RTN4: variants seen among roughly 807,000 people sequenced by gnomAD.
The protein encoded by RTN4 is reticulon-4.
RTN4 carries 32 observed loss-of-function variants against 90.4 expected under a neutral mutation model. The ratio of observed to expected loss-of-function variants is 0.35; its 90% CI spans 0.27 to 0.48. RTN4 has a LOEUF of 0.48. Among genes scored for constraint, RTN4 ranks in the 20% least tolerant of loss-of-function variants. The pLI, the probability that RTN4 is intolerant of heterozygous loss-of-function variation, is 0.99. For synonymous variants in RTN4, 629 were observed against 552.5 expected (o/e 1.14, Z -1.94); for missense variants, 1,706 against 1,430.2 (o/e 1.19, Z -3.11).
chr2:55,049,513 C>G (rs905358131), intron 1 of RTN4: 4 of 624,576 alleles, frequency 6.4e-6, no homozygotes, highest in African/African-American at 3.8e-5. Flanking sequence ...GAGCCGGGAG[C>G]GGTGCACGTG....
chr2:55,113,400 G>A (rs1361929747), upstream of RTN4, among the ~76,000 whole-genome samples: 1 of 152,198 alleles, frequency 6.6e-6, no homozygotes, highest in African/African-American at 2.4e-5. Flanking sequence ...AACAACAGAG[G>A]AGGATCTCAG....
At chr2:55,041,963 T>C (rs1349466448) in intron 1 of RTN4, among the ~76,000 whole-genome samples, 1 of 151,948 alleles carries the variant, frequency 6.6e-6, no homozygotes, top group Non-Finnish European at 1.5e-5. Context: ...TCAAGACATA[T>C]GACAAAAGGC....
chr2:55,025,862 T>A lies in RTN4; in HGVS notation c.2237A>T (p.Asp746Val). 6.2e-7 allele frequency: 1 copy of A among 1,613,766 alleles called. No individual in the cohort carries two copies. The highest frequency in any genetic ancestry group is 8.5e-7 in the Non-Finnish European group (1 of 1,179,834). The change falls in exon 3 of 9, where the codon GAC (aspartate) becomes GTC (valine). Residue 746 changes from aspartate (D) to valine (V), a missense_variant. By Grantham distance (152) the Asp-to-Val change is radical. Coordinates refer to ENST00000337526, the MANE Select transcript of RTN4 (RefSeq NM_020532.5). ...EDSSPDSEPV[D>V]LFSDDSIPDV... Reference sequence around the variant, plus strand: ...AGGTATTGAATCATCACTAAATAAGTCAACTGGTTCAGAATCAGGTGAGGA... The same window carrying A: ...AGGTATTGAATCATCACTAAATAAGACAACTGGTTCAGAATCAGGTGAGGA...
At chr2:55,061,948 C>A (rs1038175724) in intron 2 of RTN4, among the ~76,000 whole-genome samples, 10 of 152,106 alleles carry the variant, frequency 6.6e-5, no homozygotes, top group African/African-American at 2.4e-4. Flanking sequence ...CACACAAAAA[C>A]GGCTGGACGT....
chr2:55,042,717 T>C (rs984710054), intron 1 of RTN4, among the ~76,000 whole-genome samples: 1 of 152,206 alleles, frequency 6.6e-6, no homozygotes, highest in Non-Finnish European at 1.5e-5. Flanking sequence ...ATAGTAATTC[T>C]AGAACTATAC....
chr2:55,072,509 G>A (rs889493816), intron 2 of RTN4, among the ~76,000 whole-genome samples: 2 of 152,186 alleles, frequency 1.3e-5, no homozygotes, highest in African/African-American at 4.8e-5. Flanking sequence ...GATTACAGGC[G>A]TGAGCCACCG....
At chr2:54,992,573 G>A (rs972986534) in intron 3 of RTN4, among the ~76,000 whole-genome samples, 2 of 151,952 alleles carry the variant, frequency 1.3e-5, no homozygotes, top group Admixed American at 1.3e-4. Flanking sequence ...TCCCACAGTA[G>A]AGAACTATAA....
At position 55,026,831 on chromosome 2, in the gene RTN4, T is replaced by A. The variant is rs1289691070; in HGVS notation, c.1268A>T (p.Lys423Ile). The A allele has an allele frequency of 1.2e-6, 2 of 1,613,950 alleles. No homozygotes were observed. Among genetic ancestry groups the A allele is most frequent in the Non-Finnish European group, 1.7e-6 (2 of 1,179,914 alleles). The change falls in exon 3 of 9, where the codon AAA becomes ATA. Residue 423 changes from lysine (K) to isoleucine (I), a missense_variant. By Grantham distance (102) the Lys-to-Ile change is moderately radical. Coordinates refer to ENST00000337526, the MANE Select transcript of RTN4 (RefSeq NM_020532.5). ...TTGCTCAAGGCTATCTGCAAAACAT[T>A]TTTTATCCACTTTACTTTCCAAGTT... ...ESNLESKVDK[K>I]CFADSLEQTN...
intron 1 of RTN4, among the ~76,000 whole-genome samples, chr2:55,032,904 T>C (rs377322417): frequency 2.3e-4 from 35 of 152,018 alleles, no homozygotes; most frequent in African/African-American, 8.4e-4. Context: ...GGTGCACACG[T>C]GCAGTTCTAG....
chr2:55,089,630 A>G (rs1668902282), intron 1 of RTN4, among the ~76,000 whole-genome samples: 1 of 152,232 alleles, frequency 6.6e-6, no homozygotes, highest in Admixed American at 6.5e-5. Context: ...GAATGTTGTC[A>G]ACTGCATGTC....
chr2:55,105,395 A>G (rs1001498504), intron 1 of RTN4, among the ~76,000 whole-genome samples: 1 of 151,518 alleles, frequency 6.6e-6, no homozygotes, highest in African/African-American at 2.4e-5. Context: ...ACACCCGGCT[A>G]ATTTTTGTAT....
At chr2:55,028,686 T>C (rs1682086961) in intron 1 of RTN4, among the ~76,000 whole-genome samples, 1 of 152,338 alleles carries the variant, frequency 6.6e-6, no homozygotes, top group East Asian at 1.9e-4. Flanking sequence ...TTTTAAAGAA[T>C]TATGCATTTT....
intron 2 of RTN4, among the ~76,000 whole-genome samples, chr2:55,078,719 T>C (rs1668648746): frequency 6.6e-6 from 1 of 152,192 alleles, no homozygotes; most frequent in Non-Finnish European, 1.5e-5. Context: ...ACAGAGTAAA[T>C]GTGTTACGTG....
rs1170229075 is a variant in RTN4 at position 54,973,146 on chromosome 2, T to C, written c.*10A>G. 6.2e-7 allele frequency: 1 copy of C among 1,601,742 alleles called. No homozygotes were observed. Among genetic ancestry groups the C allele is most frequent in the Non-Finnish European group, 8.5e-7 (1 of 1,169,826 alleles). On this transcript the variant is annotated 3_prime_UTR_variant, in exon 9 of 9. Transcript: ENST00000337526. ...TAAAGATGAACTCCTACTAATTATT[T>C]TGGGCGTTTTCATTCAGCTTTGCGC... is the stretch of plus-strand genomic sequence containing the variant.
intron 8 of RTN4, 117 bp downstream of exon 8, chr2:54,973,446 T>TCA: frequency 1.2e-6 from 1 of 858,510 alleles, no homozygotes; most frequent in Non-Finnish European, 1.9e-6. Flanking sequence ...AACTCTGAAG[T>TCA]CACACTTAAG....
chr2:55,115,414 C>A (rs377453688), upstream of RTN4, among the ~76,000 whole-genome samples: 2 of 152,194 alleles, frequency 1.3e-5, no homozygotes, highest in African/African-American at 4.8e-5. Context: ...TTCTCTCATT[C>A]TCTTATAAGA....
At chr2:55,086,759 C>A (rs1027267497) in intron 1 of RTN4, among the ~76,000 whole-genome samples, 1 of 151,936 alleles carries the variant, frequency 6.6e-6, no homozygotes. Flanking sequence ...TCATCTTTCC[C>A]GCAAAGGTAA....
At chr2:55,017,329 A>G (rs1394810509) in intron 3 of RTN4, among the ~76,000 whole-genome samples, 1 of 152,218 alleles carries the variant, frequency 6.6e-6, no homozygotes, top group Non-Finnish European at 1.5e-5. Flanking sequence ...ATTCTTATTC[A>G]TGAACATATG....
chr2:55,056,267 C>T (rs560050543), intron 2 of RTN4, among the ~76,000 whole-genome samples: 21 of 152,248 alleles, frequency 1.4e-4, no homozygotes, highest in Non-Finnish European at 2.6e-4. Flanking sequence ...GCCCTCCCCT[C>T]GTGATAGTCA....
Sources: gnomAD v4.1 joint callset for allele counts (sites outside exome capture counted in the v4.1 genomes callset) on GRCh38, gnomAD v4.1.1 for gene constraint, MANE v1.5 for transcripts, NCBI Gene and HGNC (gene_info 2026-07-23, HGNC 2026-07-21) for gene names.